ITIH4: variants seen among roughly 807,000 people sequenced by gnomAD.
ITIH4 encodes inter-alpha-trypsin inhibitor heavy chain 4.
In ITIH4, 79 loss-of-function variants were observed where a neutral mutation model predicts 111.8. The ratio of observed to expected loss-of-function variants is 0.71; its 90% CI spans 0.59 to 0.85. ITIH4 has a LOEUF of 0.85. Ranked by LOEUF, ITIH4 falls within the 40% of genes least tolerant of loss-of-function variation. The probability of loss-of-function intolerance (pLI) is 0.00; values close to 1 mark genes in which losing one functional copy is unlikely to be tolerated. For synonymous variants in ITIH4, 472 were observed against 468.3 expected (o/e 1.01, Z -0.10); for missense variants, 1,065 against 1,195.8 (o/e 0.89, Z 1.61).
intron 6 of ITIH4, among the ~76,000 whole-genome samples, 177 bp downstream of exon 6, chr3:52,825,709 G>A (rs1403487674): frequency 6.6e-6 from 1 of 152,204 alleles, no homozygotes; most frequent in Non-Finnish European, 1.5e-5. Context: ...TTCTGCCTGG[G>A]AAAGGGAATA....
intron 1 of ITIH4, 130 bp downstream of exon 1, chr3:52,830,423 A>G: frequency 1.1e-6 from 1 of 880,330 alleles, no homozygotes. Flanking sequence ...GGAGGTCTGC[A>G]CCATTTTTTT....
intron 20 of ITIH4, among the ~76,000 whole-genome samples, chr3:52,817,267 AG>A (rs1474471337): frequency 6.6e-6 from 1 of 152,106 alleles, no homozygotes; most frequent in Non-Finnish European, 1.5e-5. Context: ...AAGGCTTTGG[AG>A]GGGCCCCTAA....
Position 52,823,849 on chromosome 3 carries a change from C to T in ITIH4, c.1327G>A (p.Asp443Asn). The change falls in exon 10 of 24, where the codon GAC (aspartate) becomes AAC (asparagine). Residue 443 changes from aspartate to asparagine, a missense_variant. Asp to Asn is a conservative substitution (Grantham distance 23). Transcript: ENST00000266041. Reference sequence around the variant, plus strand: ...TGGAGCTGCAGGGCAGAGTCTGAGTCCTCATGGATGCGCCGGGCCAGGCCG... The same window carrying T: ...TGGAGCTGCAGGGCAGAGTCTGAGTTCTCATGGATGCGCCGGGCCAGGCCG... ...NGGLARRIHE[D>N]SDSALQLQDF... 1 of 1,613,910 alleles carries T rather than the reference C, an allele frequency of 6.2e-7. No individual in the cohort carries two copies. Among genetic ancestry groups the T allele is most frequent in the East Asian group, 2.2e-5 (1 of 44,868 alleles).
chr3:52,814,154 C>A, intron 22 of ITIH4, 55 bp downstream of exon 22: 2 of 1,606,070 alleles, frequency 1.2e-6, no homozygotes, highest in Non-Finnish European at 1.7e-6. Context: ...GCTGCCTGTT[C>A]CCAAGCACAG....
Position 52,824,991 on chromosome 3 carries a change from A to G in ITIH4, c.760-33T>C, listed in dbSNP as rs1403427300. 3 of 1,477,140 alleles carry G rather than the reference A, an allele frequency of 2.0e-6. No homozygotes were observed. The highest frequency in any genetic ancestry group is 3.5e-5 in the Admixed American group (2 of 56,648). 91.5% of individuals were successfully genotyped at this position (1,477,140 alleles called of 1,614,324 possible). On this transcript the variant is annotated intron_variant, in intron 6 of 23. Coordinates refer to ENST00000266041, the MANE Select transcript of ITIH4 (RefSeq NM_002218.5). The surrounding 1 kb of genome is among the most constrained non-coding windows in gnomAD (Gnocchi z 4.3). Reference sequence around the variant, plus strand: ...CAGAGTGAGACCCACCCAGGCCATCAGAGCTACAATTGGCCCTATCCCCAT... The same window carrying G: ...CAGAGTGAGACCCACCCAGGCCATCGGAGCTACAATTGGCCCTATCCCCAT...
At chr3:52,813,792 G>A (rs567346640) in intron 23 of ITIH4, among the ~76,000 whole-genome samples, 183 bp downstream of exon 23, 23 of 152,344 alleles carry the variant, frequency 1.5e-4, no homozygotes, top group African/African-American at 5.5e-4. Flanking sequence ...GTCTGAGATG[G>A]CCATCCATCT....
chr3:52,819,260 T>C, intron 17 of ITIH4, 133 bp downstream of exon 17: 1 of 986,106 alleles, frequency 1.0e-6, no homozygotes, highest in Non-Finnish European at 1.5e-6. Context: ...CCACAATTAC[T>C]TCACATCGTG....
intron 11 of ITIH4, among the ~76,000 whole-genome samples, chr3:52,822,511 G>C (rs1700402356): frequency 6.6e-6 from 1 of 152,308 alleles, no homozygotes; most frequent in East Asian, 1.9e-4. Context: ...TAAATCACCT[G>C]CTGACATGTA....
Position 52,829,107 on chromosome 3 carries a change from G to GGC in ITIH4, c.251+11_251+12insGC. Reference sequence around the variant, plus strand: ...GGGTGTGGAGAGGGGAGGAGGGTGGGAAGGCACCTACATGGAGAAGTTGGT... The same window carrying GGC: ...GGGTGTGGAGAGGGGAGGAGGGTGGGGCAAGGCACCTACATGGAGAAGTTGGT... On this transcript the variant is annotated intron_variant, in intron 2 of 23. Transcript: ENST00000266041. 8.4e-6 allele frequency: 7 copies of GGC among 835,016 alleles called. No homozygotes were observed. Among genetic ancestry groups the GGC allele is most frequent in the African/African-American group, 1.7e-5 (1 of 57,250 alleles). 51.7% of individuals were successfully genotyped at this position (835,016 alleles called of 1,614,324 possible).
Position 52,824,910 on chromosome 3 carries a change from T to C in ITIH4, c.808A>G (p.Thr270Ala), listed in dbSNP as rs868105025. Reference protein sequence around the residue: ...VHYFAPEGLTTMPKNVVFVID... With the variant: ...VHYFAPEGLTAMPKNVVFVID... ...ACAAAGACCACATTCTTGGGCATTG[T>C]GGTTAGGCCCTCGGGGGCAAAGTAG... Residue 270 changes from threonine to alanine, a missense_variant, in exon 7 of 24, where the codon ACA becomes GCA. Coordinates refer to ENST00000266041, the MANE Select transcript of ITIH4 (RefSeq NM_002218.5). This position sits in a 1 kb window ranked among gnomAD's most constrained non-coding sequence, Gnocchi z 4.3. The C allele has an allele frequency of 1.2e-6, 2 of 1,614,086 alleles. No individual in the cohort carries two copies. Among genetic ancestry groups the C allele is most frequent in the African/African-American group, 1.3e-5 (1 of 75,056 alleles).
Position 52,819,480 on chromosome 3 carries a change from C to G in ITIH4, c.1990G>C (p.Val664Leu), listed in dbSNP as rs757414192. Reference protein sequence around the residue: ...AGSRMNFRPGVLSSRQLGLPG... With the variant: ...AGSRMNFRPGLLSSRQLGLPG... The stretch of plus-strand genomic sequence containing the variant: ...AGTCCAAGTTGCCTGGAGCTGAGAA[C>G]CCCAGGTCTGAAATTCATCCGGGAG... The change falls in exon 17 of 24, where the codon GTT becomes CTT. Residue 664 changes from valine to leucine, a missense_variant. Physicochemically the swap from Val to Leu is conservative, Grantham distance 32 (BLOSUM62 1). Coordinates refer to ENST00000266041, the MANE Select transcript of ITIH4 (RefSeq NM_002218.5). 7.4e-6 allele frequency: 12 copies of G among 1,614,014 alleles called. No homozygotes were observed. In the Admixed American group the frequency reaches 1.8e-4, roughly 25 times the overall value.
In ITIH4 at chr3:52,813,980, G is replaced by C. The variant is rs780642264; in HGVS notation, c.2718C>G (p.Ala906=). 3.7e-6 allele frequency: 6 copies of C among 1,611,714 alleles called. No homozygotes were observed. The East Asian group carries it at 1.3e-4, about 36-fold the overall frequency. Residue 906 remains alanine (A), a synonymous_variant, in exon 23 of 24, where the codon GCC becomes GCG. Transcript: ENST00000266041. ...TLRVQGNDHS[A]TRERRLDYQE... ...GTCTGCTTGTGCCAAGTCACCTGGT[G>C]GCAGAGTGGTCATTGCCCTGAACCC...
At position 52,819,385 on chromosome 3, in the gene ITIH4, C is replaced by T. The variant is rs3821831; in HGVS notation, c.2077+8G>A. 0.34 allele frequency: 553,960 copies of T among 1,613,340 alleles called. 100,256 individuals are homozygous for T. Among genetic ancestry groups the T allele is most frequent in the Non-Finnish European group, 0.38 (446,806 of 1,179,478 alleles). ...CCGAGGCCCTCGCAGGGCCGGAAGG[C>T]AGCTTACAGATGGCCAGACGGCGGA... On this transcript the variant is annotated splice_region_variant and intron_variant, in intron 17 of 23. Coordinates refer to ENST00000266041, the MANE Select transcript of ITIH4 (RefSeq NM_002218.5).
chr3:52,819,986 G>A lies in ITIH4; in HGVS notation c.1866C>T (p.Ser622=). The A allele has an allele frequency of 6.2e-7, 1 of 1,614,048 alleles. No individual in the cohort carries two copies. The highest frequency in any genetic ancestry group is 1.1e-5 in the South Asian group (1 of 91,092). The change falls in exon 15 of 24, where the codon TCC becomes TCT. Residue 622 remains serine, a synonymous_variant. Coordinates refer to ENST00000266041, the MANE Select transcript of ITIH4 (RefSeq NM_002218.5). ...CCTGGAGATAATATTTGAAGAAAGT[G>A]GAACCTGGAAATCAGTGGGACCTGG... ...ESRNRNVHSG[S]TFFKYYLQGA...
chr3:52,819,606 C>T lies in ITIH4; in HGVS notation c.1952-88G>A, dbSNP rs112825833. On this transcript the variant is annotated intron_variant, in intron 16 of 23. Transcript: ENST00000266041. Reference sequence around the variant, plus strand: ...CTTGAGATCCACCCAGGAGTGGGTGCGGAGAGGGCAGCTATGTCCCCTCTC... The same window carrying T: ...CTTGAGATCCACCCAGGAGTGGGTGTGGAGAGGGCAGCTATGTCCCCTCTC... 2.7e-4 allele frequency: 431 copies of T among 1,587,440 alleles called. 1 individual carries two copies. In the African/African-American group the frequency reaches 4.6e-3, roughly 17 times the overall value.
At chr3:52,823,370 C>G in intron 11 of ITIH4, 186 bp downstream of exon 11, 1 of 598,232 alleles carries the variant, frequency 1.7e-6, no homozygotes, top group South Asian at 2.1e-5. Context: ...CTGCCGAGAG[C>G]CTGTATGTGC....
chr3:52,814,136 G>T, intron 22 of ITIH4, 65 bp from the exon 23 acceptor site: 1 of 1,603,854 alleles, frequency 6.2e-7, no homozygotes. Flanking sequence ...CACACGCAGG[G>T]GAGGGGCGCT....
Position 52,821,131 on chromosome 3 carries a change from C to A in ITIH4, c.1540-1G>T, listed in dbSNP as rs774757709. 4 of 1,612,618 alleles carry A rather than the reference C, an allele frequency of 2.5e-6. No homozygotes were observed. Among genetic ancestry groups the A allele is most frequent in the Admixed American group, 1.7e-5 (1 of 59,958 alleles). ...TTTGGAAAGTGATGTTCTGTGTAGG[C>A]TGGAAAGAGGGGCCCAGCCAGGGCA... On this transcript the variant is annotated splice_acceptor_variant, in intron 11 of 23. Transcript: ENST00000266041. LOFTEE classifies it high-confidence loss of function.
rs1700366520 is a variant in ITIH4 at position 52,820,762 on chromosome 3, TG to T, written c.1702del (p.Gln568SerfsTer9). ...CAGCGCTTGGTTCCGGAGGGCCTGCTGATCAGCATCGGATGCGGAGACACTG... is the reference window on the plus strand; with the variant it reads ...CAGCGCTTGGTTCCGGAGGGCCTGCTATCAGCATCGGATGCGGAGACACTG... ...EQTVSASDAD[Q>X]QALRNQALNL... On this transcript the variant is annotated frameshift_variant, in exon 13 of 24. Transcript: ENST00000266041. LOFTEE classifies it high-confidence loss of function. The T allele has an allele frequency of 6.2e-7, 1 of 1,613,482 alleles. No individual in the cohort carries two copies. Among genetic ancestry groups the T allele is most frequent in the Admixed American group, 1.7e-5 (1 of 59,912 alleles).
Sources: allele counts gnomAD v4.1 joint callset (sites outside exome capture counted in the v4.1 genomes callset), GRCh38; gene constraint gnomAD v4.1.1; non-coding constraint Gnocchi (gnomAD v3.1); transcripts MANE v1.5; gene names NCBI Gene and HGNC (gene_info 2026-07-23, HGNC 2026-07-21).